KCND2: variants seen among roughly 807,000 people sequenced by gnomAD.
KCND2 encodes the protein potassium voltage-gated channel subfamily D member 2.
A neutral mutation model predicts 54.4 loss-of-function variants in KCND2; 16 were observed. That is an observed-to-expected ratio of 0.29 (90% CI 0.20 to 0.45). KCND2 has a LOEUF of 0.45. KCND2 is among the 20% of genes least tolerant of loss of function. The pLI is 1.00. For synonymous variants in KCND2, 317 were observed against 310.7 expected, an observed-to-expected ratio of 1.02 and a Z score of -0.21; for missense variants, 486 against 824.2, an observed-to-expected ratio of 0.59 and a Z score of 5.02.
At chr7:120,502,111 A>C (rs1052988794) in intron 1 of KCND2, among the ~76,000 whole-genome samples, 1 of 152,052 alleles carries the variant, frequency 6.6e-6, no homozygotes, top group Non-Finnish European at 1.5e-5. Context: ...AACGGTTGGA[A>C]ATGTGGGAAG....
At chr7:120,463,965 A>G (rs773304432) in intron 1 of KCND2, 89 of 641,706 alleles carry the variant, frequency 1.4e-4, no homozygotes, top group Middle Eastern at 7.6e-4. Context: ...ATAGATGAAT[A>G]GTAGAATACC....
intron 1 of KCND2, among the ~76,000 whole-genome samples, chr7:120,510,541 A>G (rs957639153): frequency 6.6e-5 from 10 of 152,094 alleles, no homozygotes; most frequent in African/African-American, 2.2e-4. Context: ...ACATTTATTC[A>G]TTAATAAATG....
At chr7:120,608,595 A>G (rs1483032103) in intron 1 of KCND2, among the ~76,000 whole-genome samples, 1 of 152,038 alleles carries the variant, frequency 6.6e-6, no homozygotes, top group African/African-American at 2.4e-5. Context: ...TTCAATGTAC[A>G]TTTGTCTTGT....
chr7:120,627,576 T>A (rs1216991687), intron 1 of KCND2, among the ~76,000 whole-genome samples: 1 of 152,114 alleles, frequency 6.6e-6, no homozygotes, highest in African/African-American at 2.4e-5. Context: ...ACTCTTTAAT[T>A]CATTTGTCTA....
At chr7:120,697,817 A>G in intron 1 of KCND2, among the ~76,000 whole-genome samples, 1 of 152,354 alleles carries the variant, frequency 6.6e-6, no homozygotes, top group Middle Eastern at 3.4e-3. Flanking sequence ...TCTTAACATT[A>G]TGTATCAAGT....
intron 1 of KCND2, among the ~76,000 whole-genome samples, chr7:120,707,918 C>A (rs1411581953): frequency 2.6e-5 from 4 of 152,108 alleles, no homozygotes; most frequent in Non-Finnish European, 4.4e-5. Context: ...CTGGGTACCT[C>A]CTCTGCTTCA....
In KCND2 at chr7:120,748,005, G is replaced by A. The variant is rs1372625780; in HGVS notation, c.*147G>A. On this transcript the variant is annotated 3_prime_UTR_variant, in exon 6 of 6. Coordinates refer to ENST00000331113, the MANE Select transcript of KCND2 (RefSeq NM_012281.3). ...TGAAACACAAAGCTTCCAATCTTAA[G>A]GATGTGAATAAAACCACCAAATGGC... is the stretch of plus-strand genomic sequence containing the variant. 2.9e-6 allele frequency: 2 copies of A among 685,868 alleles called. No individual in the cohort carries two copies. The highest frequency in any genetic ancestry group is 5.0e-6 in the Non-Finnish European group (2 of 399,592). 42.5% of individuals were successfully genotyped at this position (685,868 alleles called of 1,614,324 possible).
At chr7:120,278,127 T>A (rs1012333374) in intron 1 of KCND2, among the ~76,000 whole-genome samples, 1 of 152,024 alleles carries the variant, frequency 6.6e-6, no homozygotes, top group Non-Finnish European at 1.5e-5. Context: ...TGCTTTATAA[T>A]ATAACAGAAT....
At chr7:120,662,213 T>A (rs997656155) in intron 1 of KCND2, among the ~76,000 whole-genome samples, 5 of 152,184 alleles carry the variant, frequency 3.3e-5, no homozygotes, top group Non-Finnish European at 7.3e-5. Flanking sequence ...ATAGTTTTTA[T>A]CCTTGTCTAC....
chr7:120,561,730 G>A (rs562217911), intron 1 of KCND2, among the ~76,000 whole-genome samples: 71 of 144,682 alleles, frequency 4.9e-4, no homozygotes, highest in African/African-American at 1.7e-3. Context: ...TGCTGTCCCA[G>A]CCTCACAAGT....
rs1422618785 is a variant in KCND2 at position 120,749,938 on chromosome 7, T to A, written c.*2080T>A. ...TCTTTTGATTCCCAATGAGAAGTTC[T>A]ATTTTCATGTTCTTAATATTACATA... On this transcript the variant is annotated 3_prime_UTR_variant, in exon 6 of 6. Coordinates refer to ENST00000331113, the MANE Select transcript of KCND2 (RefSeq NM_012281.3). 1 of 151,984 alleles carries A rather than the reference T, an allele frequency of 6.6e-6. No individual in the cohort carries two copies. The highest frequency in any genetic ancestry group is 2.4e-5 in the African/African-American group (1 of 41,444). The allele number at this position is 151,984 out of a possible 1,614,324, so 9.4% of individuals were successfully genotyped here.
At chr7:120,632,376 A>G (rs1197433758) in intron 1 of KCND2, among the ~76,000 whole-genome samples, 1 of 152,192 alleles carries the variant, frequency 6.6e-6, no homozygotes, top group African/African-American at 2.4e-5. Flanking sequence ...GTTTAACGAA[A>G]TGAATTTTCA....
intron 1 of KCND2, among the ~76,000 whole-genome samples, chr7:120,453,737 A>G (rs929618875): frequency 6.6e-6 from 1 of 152,204 alleles, no homozygotes; most frequent in African/African-American, 2.4e-5. Flanking sequence ...AATTTCTCGG[A>G]CACAGCTAAA....
intron 1 of KCND2, among the ~76,000 whole-genome samples, chr7:120,471,244 A>G (rs1802448395): frequency 1.3e-5 from 2 of 152,076 alleles, no homozygotes; most frequent in South Asian, 2.1e-4. Context: ...TTAAGTTATT[A>G]TCTTTGTCAT....
chr7:120,592,460 C>T (rs1792684073), intron 1 of KCND2, among the ~76,000 whole-genome samples: 1 of 152,016 alleles, frequency 6.6e-6, no homozygotes, highest in Non-Finnish European at 1.5e-5. Flanking sequence ...ATAGCTTGAA[C>T]CCAGGAGGTT....
At chr7:120,331,570 A>C (rs2116348244) in intron 1 of KCND2, among the ~76,000 whole-genome samples, 1 of 152,046 alleles carries the variant, frequency 6.6e-6, no homozygotes, top group South Asian at 2.1e-4. Flanking sequence ...GAGAAAAGTA[A>C]ATTTTGCTGG....
intron 1 of KCND2, among the ~76,000 whole-genome samples, chr7:120,332,565 C>T (rs1207998642): frequency 6.6e-6 from 1 of 152,060 alleles, no homozygotes; most frequent in African/African-American, 2.4e-5. Context: ...GCTATTGAAG[C>T]CTTTATAGCC....
chr7:120,403,339 CAG>C (rs1801294317), intron 1 of KCND2, among the ~76,000 whole-genome samples: 1 of 150,082 alleles, frequency 6.7e-6, no homozygotes, highest in Admixed American at 6.7e-5. Context: ...CTTTTATAGA[CAG>C]AGTCTCCCTC....
chr7:120,545,135 T>G (rs188125100), intron 1 of KCND2, among the ~76,000 whole-genome samples: 11 of 152,060 alleles, frequency 7.2e-5, no homozygotes, highest in Admixed American at 6.6e-4. Context: ...AAAACATGTA[T>G]TTCAAAGGAA....
Sources: gnomAD v4.1 joint callset for allele counts (sites outside exome capture counted in the v4.1 genomes callset) on GRCh38, gnomAD v4.1.1 for gene constraint, MANE v1.5 for transcripts, NCBI Gene and HGNC (gene_info 2026-07-23, HGNC 2026-07-21) for gene names.